Variants in CALN1 observed in about 807,000 individuals in gnomAD.
CALN1 encodes the protein calcium-binding protein 8.
CALN1 carries 17 observed loss-of-function variants against 30.6 expected under a neutral mutation model. The observed-to-expected ratio is 0.56, with a 90% CI of 0.38 to 0.83. The LOEUF (loss-of-function observed/expected upper bound fraction) is 0.83, where lower values mean the gene tolerates loss of function less well. CALN1 is among the 40% of genes least tolerant of loss of function. CALN1 has a pLI of 0.00. For missense variants in CALN1, 291 were observed against 354.9 expected (o/e 0.82, Z 1.45); for synonymous variants, 156 against 131.4 (o/e 1.19, Z -1.28).
intron 5 of CALN1, among the ~76,000 whole-genome samples, chr7:71,945,474 C>A (rs999201905): frequency 9.8e-5 from 15 of 152,316 alleles, no homozygotes; most frequent in African/African-American, 3.6e-4. Context: ...AGGCTGTGGA[C>A]CAGCACCAGT....
chr7:72,337,308 C>A, intron 2 of CALN1: 1 of 984,954 alleles, frequency 1.0e-6, no homozygotes, highest in Non-Finnish European at 1.2e-6. Flanking sequence ...GCCCCAGCTC[C>A]TCCGAGGGTC....
At chr7:71,857,066 C>A (rs1288948554) in intron 5 of CALN1, among the ~76,000 whole-genome samples, 1 of 143,266 alleles carries the variant, frequency 7.0e-6, no homozygotes, top group Admixed American at 7.0e-5. Flanking sequence ...GTGTTGCAAA[C>A]TAAATTTGTC....
At chr7:72,170,768 G>T (rs1788891342) in intron 3 of CALN1, among the ~76,000 whole-genome samples, 1 of 152,158 alleles carries the variant, frequency 6.6e-6, no homozygotes. Flanking sequence ...CAGTTATTTG[G>T]TATATTCTAC....
intron 4 of CALN1, among the ~76,000 whole-genome samples, chr7:72,032,521 T>C (rs1448873653): frequency 1.3e-5 from 2 of 152,152 alleles, no homozygotes; most frequent in African/African-American, 4.8e-5. Context: ...CGTATTGTAC[T>C]GCCTTCCCTT....
chr7:72,353,992 G>A (rs1333610158), intron 2 of CALN1, among the ~76,000 whole-genome samples: 1 of 152,134 alleles, frequency 6.6e-6, no homozygotes, highest in Non-Finnish European at 1.5e-5. Flanking sequence ...TTCGAGACCA[G>A]CCTGGCCAAC....
intron 5 of CALN1, among the ~76,000 whole-genome samples, chr7:72,017,996 G>C (rs1169315112): frequency 1.3e-5 from 2 of 152,078 alleles, no homozygotes; most frequent in Non-Finnish European, 2.9e-5. Flanking sequence ...TGGCAGACCT[G>C]TTTAATCTCC....
chr7:72,189,043 T>C (rs1790416554), intron 3 of CALN1, among the ~76,000 whole-genome samples: 1 of 152,230 alleles, frequency 6.6e-6, no homozygotes, highest in Non-Finnish European at 1.5e-5. Context: ...CAGAAGGAAC[T>C]GCAAAGTGGA....
At chr7:72,325,780 C>T (rs1801233069) in intron 2 of CALN1, among the ~76,000 whole-genome samples, 1 of 152,152 alleles carries the variant, frequency 6.6e-6, no homozygotes. Context: ...CCTGCTCCCA[C>T]CAAGTGACTC....
At chr7:72,378,438 A>C (rs1804692563) in intron 2 of CALN1, among the ~76,000 whole-genome samples, 1 of 152,162 alleles carries the variant, frequency 6.6e-6, no homozygotes, top group South Asian at 2.1e-4. Context: ...AGTTCCAACA[A>C]GTTGATTCTG....
In CALN1 at chr7:71,785,590, A is replaced by T. The variant is rs184906836; in HGVS notation, c.*2185T>A. The T allele has an allele frequency of 6.6e-6, 1 of 152,152 alleles. No individual in the cohort carries two copies. The highest frequency in any genetic ancestry group is 1.9e-4 in the East Asian group (1 of 5,178). The allele number at this position is 152,152 out of a possible 1,614,324, so 9.4% of individuals were successfully genotyped here. A position where few individuals can be genotyped will look rare whatever the true frequency, so the allele number is the denominator to read the frequency against. On this transcript the variant is annotated 3_prime_UTR_variant, in exon 7 of 7. Coordinates refer to ENST00000395275, the MANE Select transcript of CALN1 (RefSeq NM_031468.4). ...AGTCTACTTAGGGTCCTGCACCCCT[A>T]TGGATGTGGTTGGGTGGTTCGGGGG...
At chr7:72,390,093 T>C (rs1200689070) in intron 2 of CALN1, among the ~76,000 whole-genome samples, 3 of 151,986 alleles carry the variant, frequency 2.0e-5, no homozygotes, top group Non-Finnish European at 4.4e-5. Context: ...GTAGGACCTT[T>C]GCCCTGGGAA....
chr7:72,499,829 CTTTCTTTCTTTCTTTCTTT>C, the CALN1 span, among the ~76,000 whole-genome samples: 1 of 25,424 alleles, frequency 3.9e-5, no homozygotes, highest in Admixed American at 4.2e-4. Context: ...TTCCTTCCTT[CTTTCTTTCTTTCTTTCTTT>C]CTTTCTTTCT....
intron 2 of CALN1, among the ~76,000 whole-genome samples, chr7:72,383,838 A>G (rs912673013): frequency 2.6e-5 from 4 of 152,234 alleles, no homozygotes; most frequent in Non-Finnish European, 5.9e-5. Flanking sequence ...TCCCATTAGC[A>G]TCACAATAAT....
chr7:72,255,979 C>T (rs1185000481), intron 3 of CALN1, among the ~76,000 whole-genome samples: 3 of 152,218 alleles, frequency 2.0e-5, no homozygotes, highest in African/African-American at 4.8e-5. Context: ...CCACCCGCCT[C>T]GGCCTCCCAA....
intron 5 of CALN1, among the ~76,000 whole-genome samples, chr7:71,882,002 G>C (rs1792598407): frequency 6.6e-6 from 1 of 152,124 alleles, no homozygotes; most frequent in African/African-American, 2.4e-5. Context: ...GAGCCCAGGA[G>C]TTAGAGGCTA....
intron 4 of CALN1, among the ~76,000 whole-genome samples, chr7:72,028,346 G>A (rs1801226674): frequency 6.6e-6 from 1 of 152,180 alleles, no homozygotes. Context: ...AGGTCCACAT[G>A]GAGCTCTGGG....
the CALN1 span, among the ~76,000 whole-genome samples, chr7:72,478,894 T>TC: frequency 6.6e-6 from 1 of 150,716 alleles, no homozygotes; most frequent in South Asian, 2.1e-4. Context: ...CTTCTTTTTT[T>TC]TTTTTGAGAT....
chr7:72,241,034 G>C (rs1460820612), intron 3 of CALN1, among the ~76,000 whole-genome samples: 1 of 152,162 alleles, frequency 6.6e-6, no homozygotes, highest in East Asian at 1.9e-4. Context: ...CCTCTCAATA[G>C]ACTGGAGTGG....
Position 72,065,475 on chromosome 7 carries a change from G to A in CALN1, c.388+40676C>T, listed in dbSNP as rs374142703. ...TGCATGACAACCCTTCAAATACCAA[G>A]TGGCAACCTAAACTGCTTAAAGACA... is the stretch of plus-strand genomic sequence containing the variant. On this transcript the variant is annotated intron_variant, in intron 4 of 6. Transcript: ENST00000395275. 2.7e-4 allele frequency among the ~76,000 whole-genome samples: 40 copies of A among 150,236 alleles called. No individual in the cohort carries two copies. In the East Asian group the frequency reaches 3.9e-3, roughly 15 times the overall value.
Sources: allele counts gnomAD v4.1 joint callset (sites outside exome capture counted in the v4.1 genomes callset), GRCh38; gene constraint gnomAD v4.1.1; transcripts MANE v1.5; gene names NCBI Gene and HGNC (gene_info 2026-07-23, HGNC 2026-07-21).